The following PBX3 variants were observed in gnomAD, a reference collection of about 807,000 sequenced individuals.
PBX3 encodes the protein pre-B-cell leukemia transcription factor 3.
PBX3 carries 14 observed loss-of-function variants against 48.5 expected under a neutral mutation model. That is an observed-to-expected ratio of 0.29 (90% CI 0.19 to 0.45). The LOEUF (loss-of-function observed/expected upper bound fraction) is 0.45. PBX3 is among the 20% of genes least tolerant of loss of function. The pLI is 1.00. For missense variants in PBX3, 386 were observed against 546.7 expected, an observed-to-expected ratio of 0.71 and a Z score of 2.93; for synonymous variants, 210 against 200.3, an observed-to-expected ratio of 1.05 and a Z score of -0.41.
chr9:125,792,544 A>G (rs1837641831), intron 2 of PBX3, among the ~76,000 whole-genome samples: 1 of 152,118 alleles, frequency 6.6e-6, no homozygotes, highest in South Asian at 2.1e-4. Context: ...CTTTAGGTCA[A>G]GACTTCCAGA....
chr9:125,913,865 T>C (rs929710878), intron 2 of PBX3, among the ~76,000 whole-genome samples: 3 of 152,080 alleles, frequency 2.0e-5, no homozygotes, highest in Admixed American at 6.5e-5. Context: ...ATGGAGAAAC[T>C]TGAGAAGTCC....
intron 2 of PBX3, among the ~76,000 whole-genome samples, chr9:125,848,786 A>G (rs763248437): frequency 3.3e-5 from 5 of 151,990 alleles, no homozygotes; most frequent in African/African-American, 4.8e-5. Flanking sequence ...TGGAACTTAC[A>G]TTCTTGTGGA....
chr9:125,750,272 G>T (rs1311800401), intron 2 of PBX3, among the ~76,000 whole-genome samples: 1 of 152,112 alleles, frequency 6.6e-6, no homozygotes, highest in Non-Finnish European at 1.5e-5. Context: ...AGGGAGAGGG[G>T]ATGGATACTT....
intron 2 of PBX3, among the ~76,000 whole-genome samples, chr9:125,778,778 G>A (rs1213870358): frequency 6.9e-6 from 1 of 145,206 alleles, no homozygotes; most frequent in Non-Finnish European, 1.5e-5. Flanking sequence ...CACCCTGTTT[G>A]TATGGCCATA....
chr9:125,896,918 A>G (rs907480771), intron 2 of PBX3, among the ~76,000 whole-genome samples: 18 of 152,122 alleles, frequency 1.2e-4, no homozygotes, highest in African/African-American at 4.3e-4. Context: ...TAATTACTGT[A>G]ATTAGTATAT....
chr9:125,955,178 C>A (rs1056315557), intron 5 of PBX3, among the ~76,000 whole-genome samples: 8 of 152,232 alleles, frequency 5.3e-5, no homozygotes, highest in African/African-American at 7.2e-5. Flanking sequence ...TGCTATAGAT[C>A]TCAGGCTCCG....
intron 4 of PBX3, among the ~76,000 whole-genome samples, chr9:125,930,846 A>G (rs574288589): frequency 3.3e-5 from 5 of 152,278 alleles, no homozygotes; most frequent in African/African-American, 1.2e-4. Flanking sequence ...TGCTACCATG[A>G]TTGCTTTGCT....
intron 2 of PBX3, among the ~76,000 whole-genome samples, chr9:125,786,379 A>G (rs570195323): frequency 3.3e-4 from 51 of 152,378 alleles, no homozygotes; most frequent in African/African-American, 1.1e-3. Context: ...AAGGAAAACC[A>G]GGAGCCTGTG....
chr9:125,954,110 C>T (rs1842251888), intron 5 of PBX3, among the ~76,000 whole-genome samples: 1 of 152,166 alleles, frequency 6.6e-6, no homozygotes, highest in Non-Finnish European at 1.5e-5. Flanking sequence ...TTCATTGCCC[C>T]GAAGTATGAG....
chr9:125,792,094 T>C (rs1227078964), intron 2 of PBX3, among the ~76,000 whole-genome samples: 1 of 151,468 alleles, frequency 6.6e-6, no homozygotes, highest in Non-Finnish European at 1.5e-5. Context: ...AAATAAATAT[T>C]GGAGAGTACA....
Position 125,822,799 on chromosome 9 carries a change from T to C in PBX3, c.274+74176T>C, listed in dbSNP as rs1011823165. On this transcript the variant is annotated intron_variant, in intron 2 of 8. Coordinates refer to ENST00000373489, the MANE Select transcript of PBX3 (RefSeq NM_006195.6). The stretch of plus-strand genomic sequence containing the variant: ...GGTATCTCAGTATAGTAGCTTATTA[T>C]ATTGAGTTATTATTTAAAACCCCAC... Among the ~76,000 whole-genome samples the C allele has an allele frequency of 3.9e-5, 6 of 152,110 alleles. 1 individual carries two copies. Among genetic ancestry groups the C allele is most frequent in the African/African-American group, 1.2e-4 (5 of 41,428 alleles).
intron 2 of PBX3, among the ~76,000 whole-genome samples, chr9:125,847,018 GT>G (rs1326034998): frequency 6.6e-6 from 1 of 151,496 alleles, no homozygotes; most frequent in Admixed American, 6.6e-5. Flanking sequence ...ATGTTCTTCT[GT>G]TCTTTGTATT....
At chr9:125,787,675 A>G (rs1837493382) in intron 2 of PBX3, among the ~76,000 whole-genome samples, 1 of 152,186 alleles carries the variant, frequency 6.6e-6, no homozygotes, top group African/African-American at 2.4e-5. Flanking sequence ...TTTTGCATAG[A>G]TGGGAAAGGT....
intron 2 of PBX3, among the ~76,000 whole-genome samples, chr9:125,856,189 CAAAT>C (rs900756493): frequency 4.0e-4 from 61 of 152,102 alleles, no homozygotes; most frequent in African/African-American, 1.2e-3. Context: ...GAGATATTAA[CAAAT>C]AAATATATTA....
intron 5 of PBX3, among the ~76,000 whole-genome samples, chr9:125,959,526 A>G (rs2118808217): frequency 6.6e-6 from 1 of 152,364 alleles, no homozygotes; most frequent in South Asian, 2.1e-4. Flanking sequence ...CATAGGTTGA[A>G]GAATGGGAAT....
intron 2 of PBX3, among the ~76,000 whole-genome samples, chr9:125,801,824 CAT>C (rs1554857075): frequency 2.0e-5 from 3 of 151,358 alleles, no homozygotes; most frequent in South Asian, 2.1e-4. Context: ...CACACACACA[CAT>C]ATTCTTAACT....
intron 2 of PBX3, among the ~76,000 whole-genome samples, chr9:125,841,071 A>G (rs1455512096): frequency 1.3e-5 from 2 of 152,174 alleles, no homozygotes; most frequent in African/African-American, 2.4e-5. Flanking sequence ...GCTAGGGACT[A>G]TGAATAGCCT....
At chr9:125,898,636 A>T (rs997987008) in intron 2 of PBX3, among the ~76,000 whole-genome samples, 1 of 151,694 alleles carries the variant, frequency 6.6e-6, no homozygotes, top group African/African-American at 2.4e-5. Context: ...AACTCAGGGG[A>T]GGCATGACTT....
intron 2 of PBX3, chr9:125,844,701 G>A (rs1839381772): frequency 6.6e-6 from 1 of 152,136 alleles, no homozygotes; most frequent in African/African-American, 2.4e-5. Context: ...ATTGCTGAGT[G>A]TAATCCAGTC....
Sources: gnomAD v4.1 joint callset for allele counts (sites outside exome capture counted in the v4.1 genomes callset) on GRCh38, gnomAD v4.1.1 for gene constraint, MANE v1.5 for transcripts, NCBI Gene and HGNC (gene_info 2026-07-23, HGNC 2026-07-21) for gene names.